The following AP4S1 variants were observed in gnomAD, a reference collection of about 807,000 sequenced individuals.
AP4S1 encodes adaptor related protein complex 4 subunit sigma 1.
In AP4S1, 23 loss-of-function variants were observed where a neutral mutation model predicts 19.8. The ratio of observed to expected loss-of-function variants is 1.16; its 90% CI spans 0.84 to 1.65. The LOEUF is 1.65. AP4S1 is among the 40% of genes most tolerant of loss of function. The pLI is 0.00. For missense variants in AP4S1, 166 were observed against 172.8 expected (o/e 0.96, Z 0.22); for synonymous variants, 46 against 54.1 (o/e 0.85, Z 0.66).
At position 31,065,881 on chromosome 14, in the gene AP4S1, C is replaced by T. The variant is rs139767046; in HGVS notation, c.-71-245C>T. On this transcript the variant is annotated intron_variant, in intron 1 of 5. Coordinates refer to ENST00000542754, the MANE Select transcript of AP4S1 (RefSeq NM_001128126.3). The stretch of plus-strand genomic sequence containing the variant: ...TTCACCATGTTATCCAGGATGGTCT[C>T]GATCTCCTGACCTTGTGATCCACCT... Among the ~76,000 whole-genome samples the T allele has an allele frequency of 3.8e-3, 574 of 152,108 alleles. 7 individuals carry two copies. Among genetic ancestry groups the T allele is most frequent in the African/African-American group, 0.013 (526 of 41,478 alleles).
chr14:31,085,052 G>A (rs1887860258), intron 5 of AP4S1: 1 of 1,445,490 alleles, frequency 6.9e-7, no homozygotes, highest in Non-Finnish European at 9.1e-7. Flanking sequence ...GGGCTAGACT[G>A]GAATGCAGCA....
At chr14:31,034,492 C>T (rs1355610717) in intron 1 of AP4S1, among the ~76,000 whole-genome samples, 1 of 151,998 alleles carries the variant, frequency 6.6e-6, no homozygotes, top group East Asian at 1.9e-4. Context: ...ACTCTCACTG[C>T]ATTGCCCAGG....
At chr14:31,090,346 T>C (rs1888044403) in intron 5 of AP4S1, among the ~76,000 whole-genome samples, 1 of 152,224 alleles carries the variant, frequency 6.6e-6, no homozygotes, top group East Asian at 1.9e-4. Flanking sequence ...CCAGGAGCCC[T>C]ACGATGTTCA....
chr14:31,090,007 GAGAC>G (rs1888033670), intron 5 of AP4S1, among the ~76,000 whole-genome samples: 1 of 152,038 alleles, frequency 6.6e-6, no homozygotes, highest in Admixed American at 6.6e-5. Context: ...TATTTATTCT[GAGAC>G]AGAGTCTTAC....
intron 1 of AP4S1, among the ~76,000 whole-genome samples, chr14:31,041,292 G>C (rs1431181159): frequency 6.6e-6 from 1 of 151,780 alleles, no homozygotes; most frequent in Non-Finnish European, 1.5e-5. Context: ...TGGGATTACA[G>C]GCACCTGCCA....
In AP4S1 at chr14:31,075,879, ACAGGCATGCAC is replaced by A. The variant is rs1294224944; in HGVS notation, c.294+2909_294+2919del. ...CTCAGCCTCTCGAGTAGCTGGGATT[ACAGGCATGCAC>A]CACCATGCCCAGCTAATTTTGTATT... On this transcript the variant is annotated intron_variant, in intron 4 of 5. Transcript: ENST00000542754. 2.6e-5 allele frequency among the ~76,000 whole-genome samples: 4 copies of A among 151,872 alleles called. No homozygotes were observed. In the East Asian group the frequency reaches 7.8e-4, roughly 29 times the overall value.
At chr14:31,051,860 C>A (rs548000137) in intron 1 of AP4S1, among the ~76,000 whole-genome samples, 90 of 152,240 alleles carry the variant, frequency 5.9e-4, no homozygotes, top group Admixed American at 4.7e-3. Context: ...GGGGTTTAGC[C>A]ATGTTGGCCA....
At chr14:31,060,294 G>A (rs1046098348) in intron 1 of AP4S1, among the ~76,000 whole-genome samples, 2 of 151,972 alleles carry the variant, frequency 1.3e-5, no homozygotes, top group African/African-American at 4.8e-5. Context: ...GTTCCACGGG[G>A]CCTACTGTGG....
intron 1 of AP4S1, among the ~76,000 whole-genome samples, chr14:31,034,045 C>T (rs1884574924): frequency 6.6e-6 from 1 of 152,170 alleles, no homozygotes; most frequent in African/African-American, 2.4e-5. Context: ...AGCAAAATGA[C>T]TGGAAGATGT....
chr14:31,045,757 T>G (rs1885360109), intron 1 of AP4S1, among the ~76,000 whole-genome samples: 1 of 152,138 alleles, frequency 6.6e-6, no homozygotes, highest in African/African-American at 2.4e-5. Context: ...ACTCTTGAAA[T>G]TTCCTAAGTA....
At chr14:31,038,762 T>TATTAAATTAA (rs1884920358) in intron 1 of AP4S1, among the ~76,000 whole-genome samples, 1 of 152,146 alleles carries the variant, frequency 6.6e-6, no homozygotes, top group Non-Finnish European at 1.5e-5. Flanking sequence ...ATTAAATAGA[T>TATTAAATTAA]ATAGTTAAAG....
At chr14:31,045,690 G>A (rs1566517855) in intron 1 of AP4S1, among the ~76,000 whole-genome samples, 1 of 152,162 alleles carries the variant, frequency 6.6e-6, no homozygotes, top group Non-Finnish European at 1.5e-5. Context: ...TAGTTCTGTG[G>A]TATAATATGA....
chr14:31,066,127 T>A lies in AP4S1; in HGVS notation c.-70T>A. The A allele has an allele frequency of 1.3e-6, 2 of 1,488,256 alleles. No homozygotes were observed. Among genetic ancestry groups the A allele is most frequent in the Non-Finnish European group, 1.9e-6 (2 of 1,072,144 alleles). The allele number at this position is 1,488,256 out of a possible 1,614,324, so 92.2% of individuals were successfully genotyped here. A position where few individuals can be genotyped will look rare whatever the true frequency, so the allele number is the denominator to read the frequency against. On this transcript the variant is annotated splice_region_variant and 5_prime_UTR_variant, in exon 2 of 6. Coordinates refer to ENST00000542754, the MANE Select transcript of AP4S1 (RefSeq NM_001128126.3). ...GTTTTGTTTGTTTTTGTCTTCAAGG[T>A]TCCAGTTACAGCCATCCCTTGTCAT...
intron 1 of AP4S1, among the ~76,000 whole-genome samples, chr14:31,053,908 G>A (rs1885956545): frequency 6.6e-6 from 1 of 152,230 alleles, no homozygotes; most frequent in South Asian, 2.1e-4. Flanking sequence ...GATGTACAGA[G>A]GAGGTCTAAA....
chr14:31,067,720 T>C (rs1886801087), intron 2 of AP4S1, among the ~76,000 whole-genome samples: 1 of 151,656 alleles, frequency 6.6e-6, no homozygotes, highest in Admixed American at 6.6e-5. Context: ...GGTTTCACCA[T>C]GTTGGTCAGG....
At chr14:31,049,442 T>A (rs188059151) in intron 1 of AP4S1, among the ~76,000 whole-genome samples, 1,716 of 60,676 alleles carry the variant, frequency 0.028, 42 homozygotes, top group African/African-American at 0.035. Context: ...TATATATATA[T>A]ATATATATAT....
chr14:31,035,590 G>T (rs1023334892), intron 1 of AP4S1, among the ~76,000 whole-genome samples: 2 of 149,282 alleles, frequency 1.3e-5, no homozygotes, highest in Non-Finnish European at 3.0e-5. Flanking sequence ...TCCAAATCAG[G>T]ATCCAAACAA....
intron 4 of AP4S1, among the ~76,000 whole-genome samples, chr14:31,077,746 T>C (rs1020934771): frequency 3.3e-5 from 5 of 150,232 alleles, no homozygotes; most frequent in African/African-American, 9.8e-5. Context: ...TTTCTTTTTT[T>C]TTTTTTTTGA....
At chr14:31,049,924 T>C (rs1186500582) in intron 1 of AP4S1, among the ~76,000 whole-genome samples, 1 of 151,952 alleles carries the variant, frequency 6.6e-6, no homozygotes, top group African/African-American at 2.4e-5. Context: ...ATTTATTTAT[T>C]ATTTTTTGTT....
Sources: gnomAD v4.1 joint callset for allele counts (sites outside exome capture counted in the v4.1 genomes callset) on GRCh38, gnomAD v4.1.1 for gene constraint, MANE v1.5 for transcripts, NCBI Gene and HGNC (gene_info 2026-07-23, HGNC 2026-07-21) for gene names.